Variants in SSPN observed in about 807,000 individuals in gnomAD.
SSPN encodes the protein sarcospan, also known as K-ras oncogene-associated protein.
A neutral mutation model predicts 19.1 loss-of-function variants in SSPN; 15 were observed. That is an observed-to-expected ratio of 0.78 (90% CI 0.52 to 1.21). SSPN has a LOEUF of 1.21. Ranked by LOEUF, SSPN falls within the 50% of genes most tolerant of loss-of-function variation. The pLI is 0.00. For synonymous variants in SSPN, 147 were observed against 140.3 expected (o/e 1.05, Z -0.34); for missense variants, 291 against 314.0 (o/e 0.93, Z 0.55).
chr12:26,183,836 C>T (rs188766022), intron 1 of SSPN, among the ~76,000 whole-genome samples: 283 of 152,326 alleles, frequency 1.9e-3, no homozygotes, highest in African/African-American at 6.7e-3. Context: ...GCTAGACACT[C>T]ATAGTGAGCC....
rs1302740603 is a variant in SSPN, at chr12:26,122,179, G to A, written c.-31+27G>A. 4.7e-6 allele frequency: 7 copies of A among 1,494,858 alleles called. No homozygotes were observed. The East Asian group carries it at 8.1e-5, about 17-fold the overall frequency. 92.6% of individuals were successfully genotyped at this position (1,494,858 alleles called of 1,614,324 possible). On this transcript the variant is annotated intron_variant, in intron 1 of 2. Transcript: ENST00000538142. The stretch of plus-strand genomic sequence containing the variant: ...TGGGTGCGGCCGTGCGGGTGCTGGG[G>A]GTGCGGCGCCCCAAGGGGCGCCACC...
upstream of SSPN, among the ~76,000 whole-genome samples, chr12:26,190,931 C>T (rs1944783666): frequency 6.6e-6 from 1 of 152,202 alleles, no homozygotes; most frequent in South Asian, 2.1e-4. Flanking sequence ...TCTCTCATCC[C>T]AACTCCTCAA....
At chr12:26,161,682 T>C (rs559275542) in intron 1 of SSPN, among the ~76,000 whole-genome samples, 1 of 152,320 alleles carries the variant, frequency 6.6e-6, no homozygotes, top group East Asian at 1.9e-4. Flanking sequence ...CCCAATCTTT[T>C]TGGTACCAGG....
chr12:26,137,355 T>C (rs1325645296), intron 1 of SSPN, among the ~76,000 whole-genome samples: 1 of 152,142 alleles, frequency 6.6e-6, no homozygotes, highest in Non-Finnish European at 1.5e-5. Context: ...TCCATGATTT[T>C]TGTTTAGAGA....
At chr12:26,207,893 A>T (rs1346954113) in intron 1 of SSPN, among the ~76,000 whole-genome samples, 1 of 151,900 alleles carries the variant, frequency 6.6e-6, no homozygotes, top group Non-Finnish European at 1.5e-5. Flanking sequence ...CCAGCTACTC[A>T]GGAGGCTGAG....
intron 1 of SSPN, among the ~76,000 whole-genome samples, chr12:26,161,030 C>T (rs1944585164): frequency 6.7e-6 from 1 of 150,176 alleles, no homozygotes; most frequent in African/African-American, 2.5e-5. Flanking sequence ...ATCGTTTGAA[C>T]CCAGGAGGCA....
chr12:26,160,342 T>C (rs996729215), intron 1 of SSPN, among the ~76,000 whole-genome samples: 2 of 152,240 alleles, frequency 1.3e-5, no homozygotes, highest in African/African-American at 4.8e-5. Context: ...AAATGGCCTT[T>C]TGCTCTTAAA....
chr12:26,231,955 C>T lies in SSPN; in HGVS notation c.*879C>T. ...TGTCGGTGTTAAGAGAAATTACTCT[C>T]ACAAGAGCAGAGGCCTGAAGATTCT... On this transcript the variant is annotated 3_prime_UTR_variant, in exon 3 of 3. Transcript: ENST00000242729. 1.0e-6 allele frequency: 1 copy of T among 985,364 alleles called. No homozygotes were observed. Among genetic ancestry groups the T allele is most frequent in the South Asian group, 4.7e-5 (1 of 21,272 alleles). 61.0% of individuals were successfully genotyped at this position (985,364 alleles called of 1,614,324 possible).
intron 1 of SSPN, among the ~76,000 whole-genome samples, chr12:26,219,155 A>G (rs1945091722): frequency 6.6e-6 from 1 of 152,210 alleles, no homozygotes; most frequent in Admixed American, 6.5e-5. Context: ...CAACCCTGTC[A>G]AGCAGCTCTG....
intron 1 of SSPN, among the ~76,000 whole-genome samples, chr12:26,139,724 T>C (rs1037043397): frequency 6.6e-6 from 1 of 152,240 alleles, no homozygotes; most frequent in African/African-American, 2.4e-5. Context: ...AGTAAAATAA[T>C]AGTAAAATGT....
chr12:26,128,884 T>C (rs957690261), intron 1 of SSPN, among the ~76,000 whole-genome samples: 1 of 152,202 alleles, frequency 6.6e-6, no homozygotes, highest in African/African-American at 2.4e-5. Flanking sequence ...AAGGAAATAC[T>C]TAGGCCAATT....
chr12:26,207,930 G>T (rs1251273691), intron 1 of SSPN, among the ~76,000 whole-genome samples: 1 of 151,728 alleles, frequency 6.6e-6, no homozygotes, highest in African/African-American at 2.4e-5. Context: ...AACCTGGGAG[G>T]TTGAGACAGT....
intron 1 of SSPN, among the ~76,000 whole-genome samples, chr12:26,177,190 A>G (rs1944689699): frequency 6.6e-6 from 1 of 152,234 alleles, no homozygotes. Context: ...TTTGTGAGAC[A>G]TAAAACACTA....
At chr12:26,186,126 G>A (rs2137446938) in intron 1 of SSPN, among the ~76,000 whole-genome samples, 1 of 152,204 alleles carries the variant, frequency 6.6e-6, no homozygotes, top group African/African-American at 2.4e-5. Context: ...GTTGAGCTTA[G>A]CTTGGGATGT....
chr12:26,213,428 G>T (rs1945013396), intron 1 of SSPN, among the ~76,000 whole-genome samples: 2 of 152,124 alleles, frequency 1.3e-5, no homozygotes, highest in Admixed American at 1.3e-4. Context: ...TCATCAGTCA[G>T]CTAGAAAGTG....
In SSPN at chr12:26,122,429, G is replaced by A. The variant is rs545743074; in HGVS notation, c.-31+277G>A. On this transcript the variant is annotated intron_variant, in intron 1 of 2. Coordinates refer to the SSPN transcript ENST00000538142. ...CGCTCTTGTCCAGGAAGGGCTGCACGTAGGCGGCAGCTGCAGAAGGCGAGA... is the reference window on the plus strand; with the variant it reads ...CGCTCTTGTCCAGGAAGGGCTGCACATAGGCGGCAGCTGCAGAAGGCGAGA... The A allele has an allele frequency of 8.1e-6, 11 of 1,350,972 alleles. No individual in the cohort carries two copies. In the East Asian group the frequency reaches 3.0e-4, roughly 36 times the overall value. 83.7% of individuals were successfully genotyped at this position (1,350,972 alleles called of 1,614,324 possible).
At chr12:26,223,967 G>A (rs922761086) in intron 1 of SSPN, among the ~76,000 whole-genome samples, 20 of 152,156 alleles carry the variant, frequency 1.3e-4, no homozygotes, top group African/African-American at 4.6e-4. Context: ...AGAATTTGGT[G>A]TGCATTCATT....
chr12:26,134,833 A>G (rs1944416015), intron 1 of SSPN: 1 of 152,114 alleles, frequency 6.6e-6, no homozygotes, highest in Non-Finnish European at 1.5e-5. Context: ...TGGAGATTAG[A>G]AAGTAGGTAC....
At chr12:26,146,880 A>C (rs960275852) in intron 1 of SSPN, among the ~76,000 whole-genome samples, 14 of 152,044 alleles carry the variant, frequency 9.2e-5, no homozygotes, top group Non-Finnish European at 1.6e-4. Flanking sequence ...TTTAAACTTT[A>C]AGATTTGATT....
Sources: gnomAD v4.1 joint callset for allele counts (sites outside exome capture counted in the v4.1 genomes callset) on GRCh38, gnomAD v4.1.1 for gene constraint, MANE v1.5 for transcripts, NCBI Gene and HGNC (gene_info 2026-07-23, HGNC 2026-07-21) for gene names.